The following TNFRSF10B variants were observed in gnomAD, a reference collection of about 807,000 sequenced individuals.
TNFRSF10B encodes tumor necrosis factor receptor superfamily member 10B.
In TNFRSF10B, 35 loss-of-function variants were observed where a neutral mutation model predicts 41.4. The ratio of observed to expected loss-of-function variants is 0.85; its 90% CI spans 0.65 to 1.12. The LOEUF (loss-of-function observed/expected upper bound fraction) is 1.12, where lower values mean the gene tolerates loss of function less well. Among genes scored for constraint, TNFRSF10B ranks in the 50% most tolerant of loss-of-function variants. The pLI, the probability that TNFRSF10B is intolerant of heterozygous loss-of-function variation, is 0.00. For missense variants in TNFRSF10B, 584 were observed against 552.7 expected (o/e 1.06, Z -0.57); for synonymous variants, 230 against 215.5 (o/e 1.07, Z -0.59).
chr8:23,028,480 G>T lies in TNFRSF10B; in HGVS notation c.599C>A (p.Ser200Tyr). 1 of 1,614,098 alleles carries T rather than the reference G, an allele frequency of 6.2e-7. No homozygotes were observed. Among genetic ancestry groups the T allele is most frequent in the Non-Finnish European group, 8.5e-7 (1 of 1,179,976 alleles). The change falls in exon 5 of 9, where the codon TCC becomes TAC. Residue 200 changes from serine (S) to tyrosine (Y), a missense_variant. By Grantham distance (144) the Ser-to-Tyr change is moderately radical. Coordinates refer to ENST00000276431, the MANE Select transcript of TNFRSF10B (RefSeq NM_003842.5). ...EVPAVEETVT[S>Y]SPGTPASPCS... ...GGGAGAGGCAGGAGTCCCTGGGCTGGAGGTCACCGTCTCCTCCACAGCTGG... is the reference window on the plus strand; with the variant it reads ...GGGAGAGGCAGGAGTCCCTGGGCTGTAGGTCACCGTCTCCTCCACAGCTGG...
chr8:23,041,859 C>T (rs1554509631), intron 2 of TNFRSF10B, among the ~76,000 whole-genome samples: 1 of 152,174 alleles, frequency 6.6e-6, no homozygotes, highest in Non-Finnish European at 1.5e-5. Flanking sequence ...AGTCCTGTCT[C>T]CCTGGCCTAT....
rs952743949 is a variant in TNFRSF10B at position 23,022,199 on chromosome 8, A to G, written c.*472T>C. ...CGCTTGAGCCTGAGAGGTCAAGGCT[A>G]TAGTGAGCCAAGATTGCACCATTGC... On this transcript the variant is annotated 3_prime_UTR_variant, in exon 9 of 9. Coordinates refer to ENST00000276431, the MANE Select transcript of TNFRSF10B (RefSeq NM_003842.5). 2.0e-5 allele frequency: 9 copies of G among 452,398 alleles called. No homozygotes were observed. The East Asian group carries it at 6.3e-4, about 31-fold the overall frequency. The allele number at this position is 452,398 out of a possible 1,614,324, so 28.0% of individuals were successfully genotyped here.
In TNFRSF10B at chr8:23,020,675, G is replaced by C. The variant is rs1355038861; in HGVS notation, c.*1996C>G. The C allele has an allele frequency of 2.6e-5, 12 of 453,890 alleles. No homozygotes were observed. The highest frequency in any genetic ancestry group is 1.1e-4 in the South Asian group (7 of 64,432). The allele number at this position is 453,890 out of a possible 1,614,324, so 28.1% of individuals were successfully genotyped here. A position where few individuals can be genotyped will look rare whatever the true frequency, so the allele number is the denominator to read the frequency against. ...CCGTTGCACTCCAGCCTGGGCGAGA[G>C]AGTGAGATTCTGTCTCAAAAAAATT... On this transcript the variant is annotated 3_prime_UTR_variant, in exon 9 of 9. Transcript: ENST00000276431.
At chr8:23,032,062 G>A (rs762242524) in intron 2 of TNFRSF10B, among the ~76,000 whole-genome samples, 16 of 151,732 alleles carry the variant, frequency 1.1e-4, no homozygotes, top group East Asian at 1.9e-4. Flanking sequence ...ACCCACCACC[G>A]CACCCGGCTA....
intron 1 of TNFRSF10B, among the ~76,000 whole-genome samples, chr8:23,067,574 G>C (rs1055138236): frequency 2.0e-5 from 3 of 152,118 alleles, no homozygotes; most frequent in African/African-American, 7.2e-5. Flanking sequence ...TGGGGACCTA[G>C]GCCCACAGAA....
At chr8:23,043,351 ATCTT>A in intron 1 of TNFRSF10B, 108 bp from the exon 2 acceptor site, 3 of 807,964 alleles carry the variant, frequency 3.7e-6, no homozygotes, top group Middle Eastern at 2.4e-4. Flanking sequence ...CAGAACCCTC[ATCTT>A]TCTTGCAGCT....
At position 23,026,560 on chromosome 8, in the gene TNFRSF10B, G is replaced by A. The variant is rs115589841; in HGVS notation, c.936+573C>T. 3.8e-3 allele frequency among the ~76,000 whole-genome samples: 573 copies of A among 152,250 alleles called. 3 individuals are homozygous for A. Among genetic ancestry groups the A allele is most frequent in the African/African-American group, 0.013 (548 of 41,520 alleles). On this transcript the variant is annotated intron_variant, in intron 7 of 8. Transcript: ENST00000276431. Reference sequence around the variant, plus strand: ...AACTGGATAGTCTCATCTTATGTTCGAGGGAAGGACTTTCAGTGCTTACGA... The same window carrying A: ...AACTGGATAGTCTCATCTTATGTTCAAGGGAAGGACTTTCAGTGCTTACGA...
At position 23,022,460 on chromosome 8, in the gene TNFRSF10B, CTTA is replaced by C; in HGVS notation, c.*208_*210del. On this transcript the variant is annotated 3_prime_UTR_variant, in exon 9 of 9. Transcript: ENST00000276431. ...ATGATCCAGACATTTCCATAGTGTC[CTTA>C]TTATCACATTCAGCTTATAAAAATA... The C allele has an allele frequency of 1.5e-6, 1 of 683,080 alleles. No individual in the cohort carries two copies. Among genetic ancestry groups the C allele is most frequent in the Non-Finnish European group, 2.7e-6 (1 of 375,916 alleles). The allele number at this position is 683,080 out of a possible 1,614,324, so 42.3% of individuals were successfully genotyped here.
chr8:23,027,153 C>T lies in TNFRSF10B; in HGVS notation c.916G>A (p.Gly306Arg), dbSNP rs1268536585. 8 of 1,614,154 alleles carry T rather than the reference C, an allele frequency of 5.0e-6. No individual in the cohort carries two copies. Among genetic ancestry groups the T allele is most frequent in the Admixed American group, 1.7e-5 (1 of 60,024 alleles). The change falls in exon 7 of 9, where the codon GGG becomes AGG. Residue 306 changes from glycine (G) to arginine (R), a missense_variant. Gly to Arg is a moderately radical substitution (Grantham distance 125, BLOSUM62 -2). Transcript: ENST00000276431. ...CTCACCAGCAGATGCTCTGACTCCC[C>T]GGGGGACAACATGTTGACACCTGTT... The part of the protein sequence containing the change: ...EPTGVNMLSP[G>R]ESEHLLEPAE...
chr8:23,026,233 A>G (rs1219294086), intron 7 of TNFRSF10B, among the ~76,000 whole-genome samples: 1 of 152,084 alleles, frequency 6.6e-6, no homozygotes, highest in Non-Finnish European at 1.5e-5. Flanking sequence ...CTCTGCCCAT[A>G]TAAACATTTG....
At chr8:23,052,442 C>T (rs1338896961) in intron 1 of TNFRSF10B, among the ~76,000 whole-genome samples, 12 of 152,054 alleles carry the variant, frequency 7.9e-5, no homozygotes, top group Non-Finnish European at 1.3e-4. Flanking sequence ...CCCACCACCA[C>T]GCCTGGCTAA....
chr8:23,053,402 G>T (rs911903562), intron 1 of TNFRSF10B, among the ~76,000 whole-genome samples: 2 of 152,142 alleles, frequency 1.3e-5, no homozygotes, highest in Admixed American at 6.5e-5. Flanking sequence ...TATACTTTTG[G>T]TAAAAAGATT....
chr8:23,067,737 T>TCC (rs1813034559), intron 1 of TNFRSF10B, among the ~76,000 whole-genome samples: 1 of 152,152 alleles, frequency 6.6e-6, no homozygotes, highest in South Asian at 2.1e-4. Flanking sequence ...CCCATGAAAC[T>TCC]CCAATGCTTC....
Position 23,031,375 on chromosome 8 carries a change from CTATTTATTTATT to C in TNFRSF10B, c.251-515_251-504del, listed in dbSNP as rs61141147. Among the ~76,000 whole-genome samples, 28 of 140,482 alleles carry C rather than the reference CTATTTATTTATT, an allele frequency of 2.0e-4. No homozygotes were observed. The East Asian group carries it at 2.5e-3, about 13-fold the overall frequency. 92.2% of individuals were successfully genotyped at this position (140,482 alleles called of 152,430 possible). ...ACAGGCGTGAGCCACTGCACCCGGC[CTATTTATTTATT>C]TATTTATTTATTTATTTATTTATTT... On this transcript the variant is annotated intron_variant, in intron 2 of 8. Transcript: ENST00000276431.
Position 23,046,630 on chromosome 8 carries a change from A to C in TNFRSF10B, c.145-3387T>G, listed in dbSNP as rs977496321. 6.0e-5 allele frequency among the ~76,000 whole-genome samples: 8 copies of C among 134,216 alleles called. No homozygotes were observed. In the South Asian group the frequency reaches 7.0e-4, roughly 12 times the overall value. The allele number at this position is 134,216 out of a possible 152,430, so 88.1% of individuals were successfully genotyped here. On this transcript the variant is annotated intron_variant, in intron 1 of 8. Coordinates refer to ENST00000276431, the MANE Select transcript of TNFRSF10B (RefSeq NM_003842.5). Reference sequence around the variant, plus strand: ...TATGCAACCATAAAAAAAAAAAAAAAAAAACACAAATAGCCAAGGCAATCA... The same window carrying C: ...TATGCAACCATAAAAAAAAAAAAAACAAAACACAAATAGCCAAGGCAATCA...
intron 2 of TNFRSF10B, among the ~76,000 whole-genome samples, chr8:23,031,174 C>G (rs982332278): frequency 1.3e-5 from 2 of 151,964 alleles, no homozygotes; most frequent in Non-Finnish European, 2.9e-5. Context: ...CTCCTGGGTT[C>G]AAGAGATTCT....
intron 1 of TNFRSF10B, among the ~76,000 whole-genome samples, chr8:23,064,294 AAAC>A (rs963280983): frequency 2.0e-5 from 3 of 152,230 alleles, no homozygotes; most frequent in African/African-American, 7.2e-5. Context: ...AGGGGAGTAA[AAAC>A]AAGAGAGGTA....
intron 1 of TNFRSF10B, among the ~76,000 whole-genome samples, chr8:23,063,234 G>A (rs1302782541): frequency 1.3e-5 from 2 of 151,944 alleles, no homozygotes; most frequent in African/African-American, 4.8e-5. Flanking sequence ...TGTAATCCCA[G>A]CTGTTCAGGA....
intron 2 of TNFRSF10B, among the ~76,000 whole-genome samples, chr8:23,040,387 T>C (rs1443457387): frequency 6.1e-4 from 49 of 80,080 alleles, no homozygotes; most frequent in Non-Finnish European, 8.2e-4. Flanking sequence ...ATACAAAATA[T>C]ATATTTATTA....
Sources: gnomAD v4.1 joint callset for allele counts (sites outside exome capture counted in the v4.1 genomes callset) on GRCh38, gnomAD v4.1.1 for gene constraint, MANE v1.5 for transcripts, NCBI Gene and HGNC (gene_info 2026-07-23, HGNC 2026-07-21) for gene names.